AP3B1: variants seen among roughly 807,000 people sequenced by gnomAD.
The protein encoded by AP3B1 is adaptor related protein complex 3 subunit beta 1, also known as AP-3 complex subunit beta-1.
In AP3B1, 61 loss-of-function variants were observed where a neutral mutation model predicts 132.5. That is an observed-to-expected ratio of 0.46 (90% CI 0.37 to 0.57). The LOEUF is 0.57. Among genes scored for constraint, AP3B1 ranks in the 20% least tolerant of loss-of-function variants. The pLI, the probability that AP3B1 is intolerant of heterozygous loss-of-function variation, is 0.00. For synonymous variants in AP3B1, 388 were observed against 438.3 expected (o/e 0.89, Z 1.43); for missense variants, 1,120 against 1,289.4 (o/e 0.87, Z 2.01).
intron 22 of AP3B1, among the ~76,000 whole-genome samples, chr5:78,057,666 T>A (rs944356272): frequency 1.3e-5 from 2 of 148,832 alleles, no homozygotes; most frequent in African/African-American, 5.1e-5. Context: ...AGAACTCACT[T>A]GTTTATTCTA....
At chr5:78,062,569 A>G (rs1561382042) in intron 22 of AP3B1, among the ~76,000 whole-genome samples, 1 of 152,204 alleles carries the variant, frequency 6.6e-6, no homozygotes, top group African/African-American at 2.4e-5. Context: ...AAAACTCATG[A>G]CATTTCCGTA....
rs910603104 is a variant in AP3B1 at position 78,199,790 on chromosome 5, T to C, written c.786+16265A>G. ...ACAGGAAAAAAACTTATATTCTAGG[T>C]AAAGGGAGGGTAGAAAACTAGATCT... On this transcript the variant is annotated intron_variant, in intron 7 of 26. Transcript: ENST00000255194. 5.9e-5 allele frequency among the ~76,000 whole-genome samples: 9 copies of C among 152,080 alleles called. No individual in the cohort carries two copies. The South Asian group carries it at 1.0e-3, about 18-fold the overall frequency.
At chr5:78,100,483 G>A (rs1246586443) in intron 21 of AP3B1, among the ~76,000 whole-genome samples, 1 of 152,122 alleles carries the variant, frequency 6.6e-6, no homozygotes, top group Middle Eastern at 3.2e-3. Flanking sequence ...AGACTGAGAG[G>A]TATAGCCAAA....
chr5:78,111,325 T>G (rs1014450104), intron 19 of AP3B1, among the ~76,000 whole-genome samples: 1 of 152,194 alleles, frequency 6.6e-6, no homozygotes, highest in South Asian at 2.1e-4. Flanking sequence ...TCAACAAATA[T>G]TTATTAATTA....
intron 2 of AP3B1, among the ~76,000 whole-genome samples, chr5:78,246,007 A>C (rs186437984): frequency 6.6e-6 from 1 of 152,292 alleles, no homozygotes; most frequent in East Asian, 1.9e-4. Flanking sequence ...AAAGTTGAGG[A>C]GATAACATAA....
chr5:78,127,980 T>C (rs1451628462), intron 17 of AP3B1, 50 bp downstream of exon 17: 3 of 1,601,662 alleles, frequency 1.9e-6, no homozygotes, highest in Non-Finnish European at 2.6e-6. Flanking sequence ...ATAGCTATCC[T>C]AGAGTCTTCC....
chr5:78,211,947 T>A (rs981427541), intron 7 of AP3B1, among the ~76,000 whole-genome samples: 2 of 152,220 alleles, frequency 1.3e-5, no homozygotes, highest in African/African-American at 4.8e-5. Flanking sequence ...AAAATGGGTA[T>A]AATAATTCTG....
At chr5:78,196,576 G>A (rs1454574516) in intron 7 of AP3B1, among the ~76,000 whole-genome samples, 1 of 152,014 alleles carries the variant, frequency 6.6e-6, no homozygotes, top group Non-Finnish European at 1.5e-5. Flanking sequence ...CATGGATACA[G>A]CAGCTTTATT....
intron 3 of AP3B1, among the ~76,000 whole-genome samples, chr5:78,240,240 T>C (rs1189932312): frequency 6.6e-6 from 1 of 152,252 alleles, no homozygotes; most frequent in Non-Finnish European, 1.5e-5. Context: ...GGAAAGGCTT[T>C]AAAGCTTTAA....
At chr5:78,281,003 C>T (rs1367053253) in intron 1 of AP3B1, among the ~76,000 whole-genome samples, 1 of 152,078 alleles carries the variant, frequency 6.6e-6, no homozygotes, top group Non-Finnish European at 1.5e-5. Context: ...CACATGGTCC[C>T]ACCAAGTTTC....
chr5:78,110,395 CT>C, intron 19 of AP3B1, 41 bp from the exon 20 acceptor site: 2 of 1,476,630 alleles, frequency 1.4e-6, no homozygotes, highest in Non-Finnish European at 1.9e-6. Flanking sequence ...ACTTTAACTC[CT>C]TTATATAAGC....
chr5:78,251,930 C>T (rs945527162), intron 2 of AP3B1, among the ~76,000 whole-genome samples: 25 of 152,278 alleles, frequency 1.6e-4, no homozygotes, highest in Non-Finnish European at 7.4e-5. Context: ...CCCTCCCTTC[C>T]ACTTGAGGAG....
At chr5:78,175,113 G>C (rs1207910943) in intron 11 of AP3B1, among the ~76,000 whole-genome samples, 6 of 152,222 alleles carry the variant, frequency 3.9e-5, no homozygotes, top group Admixed American at 3.3e-4. Flanking sequence ...CGTTTTTCCA[G>C]GTACAGTCTG....
intron 1 of AP3B1, 35 bp from the exon 2 acceptor site, chr5:78,267,630 T>G: frequency 7.9e-7 from 1 of 1,270,362 alleles, no homozygotes; most frequent in Non-Finnish European, 1.1e-6. Flanking sequence ...ATCCATACTT[T>G]GATTTTTATA....
rs548825680 is a variant in AP3B1 at position 78,152,560 on chromosome 5, AT to A, written c.1473+3697del. 1.0e-3 allele frequency among the ~76,000 whole-genome samples: 159 copies of A among 151,990 alleles called. 1 individual carries two copies. The highest frequency in any genetic ancestry group is 3.7e-3 in the African/African-American group (155 of 41,470). ...CATCTCTGATTTCATTTCTGCTCTG[AT>A]TTTTATTTCTTCTACTAATTATGGG... On this transcript the variant is annotated intron_variant, in intron 14 of 26. Transcript: ENST00000255194.
chr5:78,003,086 A>C (rs1245465269), intron 26 of AP3B1, 31 bp from the exon 27 acceptor site: 1 of 1,611,006 alleles, frequency 6.2e-7, no homozygotes, highest in South Asian at 1.1e-5. Flanking sequence ...ACCTTTTATC[A>C]TAAGATGGGG....
At chr5:78,117,378 C>T (rs905444142) in intron 17 of AP3B1, among the ~76,000 whole-genome samples, 10 of 151,090 alleles carry the variant, frequency 6.6e-5, no homozygotes, top group African/African-American at 2.2e-4. Flanking sequence ...GACAGGATCT[C>T]GGCTCACTGC....
At chr5:78,016,366 T>C (rs910859695) in intron 25 of AP3B1, among the ~76,000 whole-genome samples, 18 of 152,006 alleles carry the variant, frequency 1.2e-4, no homozygotes, top group Middle Eastern at 3.2e-3. Context: ...TTCAACAACA[T>C]ACCAAACACT....
intron 2 of AP3B1, among the ~76,000 whole-genome samples, chr5:78,248,386 A>G (rs1308004708): frequency 6.6e-6 from 1 of 150,542 alleles, no homozygotes; most frequent in African/African-American, 2.4e-5. Context: ...CCAGCTACTC[A>G]GGAGGCTGAG....
Sources: allele counts gnomAD v4.1 joint callset (sites outside exome capture counted in the v4.1 genomes callset), GRCh38; gene constraint gnomAD v4.1.1; transcripts MANE v1.5; gene names NCBI Gene and HGNC (gene_info 2026-07-23, HGNC 2026-07-21).